ATN1: variants seen among roughly 807,000 people sequenced by gnomAD.
The protein encoded by ATN1 is atrophin 1.
A neutral mutation model predicts 85.8 loss-of-function variants in ATN1; 19 were observed. The observed-to-expected ratio is 0.22, with a 90% CI of 0.15 to 0.32. The LOEUF is 0.32. Ranked by LOEUF, ATN1 falls within the 10% of genes least tolerant of loss-of-function variation. The pLI, the probability that ATN1 is intolerant of heterozygous loss-of-function variation, is 1.00. For missense variants in ATN1, 1,453 were observed against 1,564.5 expected, an observed-to-expected ratio of 0.93 and a Z score of 1.20; for synonymous variants, 674 against 657.0, an observed-to-expected ratio of 1.03 and a Z score of -0.39.
rs782059466 is a variant in ATN1, at chr12:6,932,881, G to C, written c.-162-959G>C. On this transcript the variant is annotated intron_variant, in intron 1 of 9. Coordinates refer to ENST00000396684, the MANE Select transcript of ATN1 (RefSeq NM_001940.4). ...ATTCTTCTTCTACCTACTCTGATGTGAGAAAAGATTCTTTTCATATCTCTG... is the reference window on the plus strand; with the variant it reads ...ATTCTTCTTCTACCTACTCTGATGTCAGAAAAGATTCTTTTCATATCTCTG... Among the ~76,000 whole-genome samples the C allele has an allele frequency of 3.3e-5, 5 of 152,170 alleles. No individual in the cohort carries two copies. In the South Asian group the frequency reaches 1.0e-3, roughly 31 times the overall value.
At chr12:6,932,088 T>C (rs1240853648) in intron 1 of ATN1, among the ~76,000 whole-genome samples, 3 of 148,700 alleles carry the variant, frequency 2.0e-5, no homozygotes, top group South Asian at 2.1e-4. Flanking sequence ...AGAGCATCAG[T>C]TGAAAGTTCA....
chr12:6,936,233 C>A lies in ATN1; in HGVS notation c.966C>A (p.Ala322=). 6.2e-7 allele frequency: 1 copy of A among 1,605,178 alleles called. No individual in the cohort carries two copies. ...NASASPPGLG[A]QPLPGHLPSP... is the part of the protein sequence containing the mutation. ...CAGCCTCTCCCCCTGGCCTGGGGGCCCAACCACTACCTGGTCATCTGCCCT... is the reference window on the plus strand; with the variant it reads ...CAGCCTCTCCCCCTGGCCTGGGGGCACAACCACTACCTGGTCATCTGCCCT... The change falls in exon 5 of 10, where the codon GCC becomes GCA. Residue 322 remains alanine, a synonymous_variant. Transcript: ENST00000396684.
In ATN1 at chr12:6,936,682, C is replaced by G; in HGVS notation, c.1415C>G (p.Ala472Gly). 6.2e-7 allele frequency: 1 copy of G among 1,613,542 alleles called. No individual in the cohort carries two copies. Among genetic ancestry groups the G allele is most frequent in the African/African-American group, 1.3e-5 (1 of 74,852 alleles). The change falls in exon 5 of 10, where the codon GCC becomes GGC. Residue 472 changes from alanine (A) to glycine (G), a missense_variant. Ala to Gly is a moderately conservative substitution (Grantham distance 60). Around this residue, in one of 6 missense-constraint regions of ATN1, gnomAD observed 990 missense variants for 914.8 expected, o/e 1.08. Transcript: ENST00000396684. ...CCCTCTACTGGGGCCCAGTCCACCG[C>G]CCACCCACCAGTCTCAACACATCAC... is the stretch of plus-strand genomic sequence containing the variant. Reference protein sequence around the residue: ...FPPSTGAQSTAHPPVSTHHHH... With the variant: ...FPPSTGAQSTGHPPVSTHHHH...
In ATN1 at chr12:6,938,776, G is replaced by A. The variant is rs370042257; in HGVS notation, c.2813G>A (p.Arg938His). The change falls in exon 7 of 10, where the codon CGT becomes CAT. Residue 938 changes from arginine to histidine, a missense_variant. By Grantham distance (29) the Arg-to-His change is conservative. This residue lies in a region of ATN1 where 208 missense variants were observed against 263.4 expected (regional missense o/e 0.79). Coordinates refer to ENST00000396684, the MANE Select transcript of ATN1 (RefSeq NM_001940.4). The part of the protein sequence containing the change: ...PAAREREREA[R>H]ERDLRDRLKP... ...GCCCGGGAGAGGGAACGGGAAGCCCGTGAACGAGACCTCCGTGACCGCCTC... is the reference window on the plus strand; with the variant it reads ...GCCCGGGAGAGGGAACGGGAAGCCCATGAACGAGACCTCCGTGACCGCCTC... The A allele has an allele frequency of 1.9e-6, 3 of 1,614,036 alleles. No individual in the cohort carries two copies. The highest frequency in any genetic ancestry group is 2.7e-5 in the African/African-American group (2 of 75,064).
rs782333025 is a variant in ATN1, at chr12:6,935,992, C to T, written c.725C>T (p.Ser242Leu). 21 of 1,588,198 alleles carry T rather than the reference C, an allele frequency of 1.3e-5. No homozygotes were observed. The African/African-American group carries it at 1.9e-4, about 14-fold the overall frequency. The change falls in exon 5 of 10, where the codon TCA (serine) becomes TTA (leucine). Residue 242 changes from serine to leucine, a missense_variant. By Grantham distance (145) the Ser-to-Leu change is moderately radical (BLOSUM62 -2). Transcript: ENST00000396684. This position sits in a 1 kb window ranked among gnomAD's most constrained non-coding sequence, Gnocchi z 5.3. The stretch of plus-strand genomic sequence containing the variant: ...GGTCCCAAGGGGGGAGGGGCTGCCT[C>T]ATCAGTGGGGGGCCCTAATGGGGGT... ...PMGPKGGGAA[S>L]SVGGPNGGKQ...
rs2138225049 is a variant in ATN1, at chr12:6,941,929, G to A, written c.*149G>A. 1 of 791,416 alleles carries A rather than the reference G, an allele frequency of 1.3e-6. No homozygotes were observed. The highest frequency in any genetic ancestry group is 1.6e-5 in the South Asian group (1 of 64,420). 49.0% of individuals were successfully genotyped at this position (791,416 alleles called of 1,614,324 possible). Reference sequence around the variant, plus strand: ...CGCAGCTGGACAGAGAGTGGGGGAGGGAGGGACAGACAGAAGGCCAAGGCC... The same window carrying A: ...CGCAGCTGGACAGAGAGTGGGGGAGAGAGGGACAGACAGAAGGCCAAGGCC... On this transcript the variant is annotated 3_prime_UTR_variant, in exon 10 of 10. Coordinates refer to ENST00000396684, the MANE Select transcript of ATN1 (RefSeq NM_001940.4). This position sits in a 1 kb window ranked among gnomAD's most constrained non-coding sequence, Gnocchi z 5.9.
chr12:6,936,952 G>A lies in ATN1; in HGVS notation c.1685G>A (p.Gly562Asp). 5.0e-6 allele frequency: 8 copies of A among 1,613,764 alleles called. No individual in the cohort carries two copies. Among genetic ancestry groups the A allele is most frequent in the Non-Finnish European group, 6.8e-6 (8 of 1,179,872 alleles). Residue 562 changes from glycine to aspartate, a missense_variant, in exon 5 of 10, where the codon GGC becomes GAC. This residue lies in a region of ATN1 where 990 missense variants were observed against 914.8 expected (regional missense o/e 1.08). Transcript: ENST00000396684. ...AGCCAGGTGTCCTACAGCCAAGCAGGCCCCAATGGCCCTCCAGTCTCTTCC... is the reference window on the plus strand; with the variant it reads ...AGCCAGGTGTCCTACAGCCAAGCAGACCCCAATGGCCCTCCAGTCTCTTCC... ...PHSQVSYSQAGPNGPPVSSSS... is the reference protein window; with the variant it reads ...PHSQVSYSQADPNGPPVSSSS...
rs1239735735 is a variant in ATN1 at position 6,941,848 on chromosome 12, C to T, written c.*68C>T. 2.9e-5 allele frequency: 45 copies of T among 1,552,464 alleles called. No individual in the cohort carries two copies. In the Admixed American group the frequency reaches 5.0e-4, roughly 17 times the overall value. On this transcript the variant is annotated 3_prime_UTR_variant, in exon 10 of 10. Transcript: ENST00000396684. This position sits in a 1 kb window ranked among gnomAD's most constrained non-coding sequence, Gnocchi z 5.9. Reference sequence around the variant, plus strand: ...TGGAGCACCCCCACCCTCCCCCCACCGTGCCCTTGGCCTGCCACCCAGAGC... The same window carrying T: ...TGGAGCACCCCCACCCTCCCCCCACTGTGCCCTTGGCCTGCCACCCAGAGC...
At position 6,941,208 on chromosome 12, in the gene ATN1, G is replaced by A. The variant is rs148740358; in HGVS notation, c.3359-166G>A. ...CACGAGTTTTAGTGTCAGCCTAAGAGGTTCGAATCCCAATTCCACCCTACC... is the reference window on the plus strand; with the variant it reads ...CACGAGTTTTAGTGTCAGCCTAAGAAGTTCGAATCCCAATTCCACCCTACC... On this transcript the variant is annotated intron_variant, in intron 8 of 9. Coordinates refer to ENST00000396684, the MANE Select transcript of ATN1 (RefSeq NM_001940.4). This position sits in a 1 kb window ranked among gnomAD's most constrained non-coding sequence, Gnocchi z 5.9. Among the ~76,000 whole-genome samples, 54 of 152,306 alleles carry A rather than the reference G, an allele frequency of 3.5e-4. No homozygotes were observed. The highest frequency in any genetic ancestry group is 1.3e-3 in the African/African-American group (52 of 41,570).
chr12:6,935,542 T>C lies in ATN1; in HGVS notation c.280-5T>C. ...GAGAAAAAATGAGTCTTCCCTTTTC[T>C]ACAGCAGGAACTCCCTCGGCCACAG... On this transcript the variant is annotated splice_region_variant and splice_polypyrimidine_tract_variant and intron_variant, in intron 4 of 9. Coordinates refer to ENST00000396684, the MANE Select transcript of ATN1 (RefSeq NM_001940.4). This position sits in a 1 kb window ranked among gnomAD's most constrained non-coding sequence, Gnocchi z 5.3. 1 of 1,606,666 alleles carries C rather than the reference T, an allele frequency of 6.2e-7. No homozygotes were observed.
In ATN1 at chr12:6,936,822, C is replaced by G; in HGVS notation, c.1555C>G (p.Leu519Val). ...TCCTCCTGGAGCATTTCCCCACCCA[C>G]TGGAGGGCGGTAGCTCCCACCACGC... is the stretch of plus-strand genomic sequence containing the variant. ...PPPPGAFPHP[L>V]EGGSSHHAHP... The change falls in exon 5 of 10, where the codon CTG becomes GTG. Residue 519 changes from leucine to valine, a missense_variant. Coordinates refer to ENST00000396684, the MANE Select transcript of ATN1 (RefSeq NM_001940.4). 2 of 1,613,992 alleles carry G rather than the reference C, an allele frequency of 1.2e-6. No individual in the cohort carries two copies. The highest frequency in any genetic ancestry group is 1.7e-6 in the Non-Finnish European group (2 of 1,179,984).
chr12:6,936,033 C>A lies in ATN1; in HGVS notation c.766C>A (p.Pro256Thr). 1 of 1,577,772 alleles carries A rather than the reference C, an allele frequency of 6.3e-7. No individual in the cohort carries two copies. Among genetic ancestry groups the A allele is most frequent in the South Asian group, 1.2e-5 (1 of 85,172 alleles). ...GPNGGKQHPPPTTPISVSSSG... is the reference protein window; with the variant it reads ...GPNGGKQHPPTTTPISVSSSG... ...TAATGGGGGTAAGCAGCACCCCCCA[C>A]CCACTACTCCCATTTCAGTATCAAG... Residue 256 changes from proline (P) to threonine (T), a missense_variant, in exon 5 of 10, where the codon CCC becomes ACC. Transcript: ENST00000396684.
At position 6,941,611 on chromosome 12, in the gene ATN1, G is replaced by C; in HGVS notation, c.3539+57G>C. On this transcript the variant is annotated intron_variant, in intron 9 of 9. Transcript: ENST00000396684. This position sits in a 1 kb window ranked among gnomAD's most constrained non-coding sequence, Gnocchi z 5.9. ...GGGCTCAGCGAGCCTGGGAGGAGCT[G>C]TGGGCATGGTACGGCTGGGCACCGT... 1.2e-6 allele frequency: 2 copies of C among 1,606,646 alleles called. No individual in the cohort carries two copies. Among genetic ancestry groups the C allele is most frequent in the Non-Finnish European group, 1.7e-6 (2 of 1,174,272 alleles).
chr12:6,938,505 C>T lies in ATN1; in HGVS notation c.2542C>T (p.Pro848Ser). The change falls in exon 7 of 10, where the codon CCG (proline) becomes TCG (serine). Residue 848 changes from proline to serine, a missense_variant. This residue lies in a region of ATN1 where 990 missense variants were observed against 914.8 expected (regional missense o/e 1.08). Coordinates refer to ENST00000396684, the MANE Select transcript of ATN1 (RefSeq NM_001940.4). ...GAAGTTGGCTCAGGAGGGCCGTGCT[C>T]CGGTGGAATGCCCATCTCTGGGCCC... ...SVKLAQEGRA[P>S]VECPSLGPVP... 6.2e-7 allele frequency: 1 copy of T among 1,610,266 alleles called. No homozygotes were observed.
In ATN1 at chr12:6,942,178, G is replaced by C. The variant is rs906038975; in HGVS notation, c.*398G>C. On this transcript the variant is annotated 3_prime_UTR_variant, in exon 10 of 10. Coordinates refer to ENST00000396684, the MANE Select transcript of ATN1 (RefSeq NM_001940.4). Reference sequence around the variant, plus strand: ...CCACCCCTGCCCCTCCCCGATCCCTGTGTGCGCGCCCCCTCTGCAATGTAT... The same window carrying C: ...CCACCCCTGCCCCTCCCCGATCCCTCTGTGCGCGCCCCCTCTGCAATGTAT... The C allele has an allele frequency of 8.1e-6, 2 of 247,830 alleles. No homozygotes were observed. The highest frequency in any genetic ancestry group is 4.6e-5 in the African/African-American group (2 of 43,688). The allele number at this position is 247,830 out of a possible 1,614,324, so 15.4% of individuals were successfully genotyped here.
intron 1 of ATN1, among the ~76,000 whole-genome samples, chr12:6,929,561 G>A (rs1945437093): frequency 1.3e-5 from 2 of 152,164 alleles, no homozygotes; most frequent in African/African-American, 4.8e-5. Flanking sequence ...GGGGGGCTTC[G>A]AATGTTTATT....
At position 6,941,268 on chromosome 12, in the gene ATN1, C is replaced by G; in HGVS notation, c.3359-106C>G. 7.1e-7 allele frequency: 1 copy of G among 1,412,390 alleles called. No homozygotes were observed. The highest frequency in any genetic ancestry group is 1.4e-5 in the South Asian group (1 of 72,348). The allele number at this position is 1,412,390 out of a possible 1,614,324, so 87.5% of individuals were successfully genotyped here. A position where few individuals can be genotyped will look rare whatever the true frequency, so the allele number is the denominator to read the frequency against. On this transcript the variant is annotated intron_variant, in intron 8 of 9. Transcript: ENST00000396684. This position sits in a 1 kb window ranked among gnomAD's most constrained non-coding sequence, Gnocchi z 5.9. ...TTACAGAACTGGGTGTGTTACCTCA[C>G]TTTTTAGTTCATTACCTTTGTATGT...
chr12:6,926,341 A>C (rs1945398584), upstream of ATN1, among the ~76,000 whole-genome samples: 1 of 152,122 alleles, frequency 6.6e-6, no homozygotes, highest in African/African-American at 2.4e-5. Context: ...AGATGCCACT[A>C]GATGGAAGGC....
chr12:6,938,130 G>GCGCTGCGCTA, intron 6 of ATN1, 63 bp downstream of exon 6: 1 of 1,482,500 alleles, frequency 6.7e-7, no homozygotes, highest in Non-Finnish European at 8.9e-7. Context: ...CCTCTGCGCT[G>GCGCTGCGCTA]CGCTGCGCTA....
Sources: allele counts gnomAD v4.1 joint callset (sites outside exome capture counted in the v4.1 genomes callset), GRCh38; gene constraint gnomAD v4.1.1; regional missense constraint gnomAD v4.1.1; non-coding constraint Gnocchi (gnomAD v3.1); transcripts MANE v1.5; gene names NCBI Gene and HGNC (gene_info 2026-07-23, HGNC 2026-07-21).